CASS4: variants seen among roughly 807,000 people sequenced by gnomAD.
The protein encoded by CASS4 is cas scaffolding protein family member 4.
CASS4 carries 22 observed loss-of-function variants against 54.2 expected under a neutral mutation model. That is an observed-to-expected ratio of 0.41 (90% CI 0.29 to 0.58). The LOEUF is 0.58. Ranked by LOEUF, CASS4 falls within the 20% of genes least tolerant of loss-of-function variation. The pLI is 0.36. For synonymous variants in CASS4, 409 were observed against 391.5 expected, an observed-to-expected ratio of 1.04 and a Z score of -0.53; for missense variants, 854 against 986.7, an observed-to-expected ratio of 0.87 and a Z score of 1.80.
chr20:56,450,516 A>G, intron 3 of CASS4, 83 bp from the exon 4 acceptor site: 1 of 1,272,702 alleles, frequency 7.9e-7, no homozygotes, highest in African/African-American at 1.5e-5. Context: ...TTTGGAAAAA[A>G]ACACTGGAAT....
chr20:56,426,248 T>A (rs1003358656), intron 1 of CASS4, among the ~76,000 whole-genome samples: 1 of 152,234 alleles, frequency 6.6e-6, no homozygotes, highest in South Asian at 2.1e-4. Context: ...ACCCTCTCTG[T>A]GCCTTGGCTT....
At position 56,458,485 on chromosome 20, in the gene CASS4, C is replaced by T; in HGVS notation, c.2099C>T (p.Ala700Val). Reference protein sequence around the residue: ...FHGSLSSSQPAEIITQSKLVI... With the variant: ...FHGSLSSSQPVEIITQSKLVI... ...GGCAGCCTCAGCAGCAGCCAGCCCG[C>T]GGAGATCATCACTCAGAGCAAGCTG... The change falls in exon 6 of 6, where the codon GCG (alanine) becomes GTG (valine). Residue 700 changes from alanine (A) to valine (V), a missense_variant. Ala to Val is a moderately conservative substitution (Grantham distance 64). Transcript: ENST00000679887. The T allele has an allele frequency of 6.2e-7, 1 of 1,614,182 alleles. No homozygotes were observed. The highest frequency in any genetic ancestry group is 1.7e-5 in the Admixed American group (1 of 60,026).
chr20:56,428,195 G>A (rs1011227316), intron 1 of CASS4, among the ~76,000 whole-genome samples: 6 of 152,190 alleles, frequency 3.9e-5, no homozygotes, highest in African/African-American at 1.4e-4. Flanking sequence ...AATTTTAGGA[G>A]CATAAGTGTT....
At chr20:56,431,469 C>T (rs1185153982) in intron 1 of CASS4, among the ~76,000 whole-genome samples, 4 of 152,284 alleles carry the variant, frequency 2.6e-5, no homozygotes, top group Admixed American at 6.5e-5. Context: ...TGAGGGGAAT[C>T]GTGTTATGGC....
chr20:56,432,263 GC>G (rs1229228916), intron 1 of CASS4, among the ~76,000 whole-genome samples: 3 of 149,052 alleles, frequency 2.0e-5, no homozygotes, highest in Non-Finnish European at 4.4e-5. Flanking sequence ...AGATAATAAA[GC>G]TTTCAGATTA....
Position 56,437,693 on chromosome 20 carries a change from G to A in CASS4, c.459+107G>A, listed in dbSNP as rs558831850. 2 of 1,065,416 alleles carry A rather than the reference G, an allele frequency of 1.9e-6. No homozygotes were observed. The highest frequency in any genetic ancestry group is 1.6e-5 in the African/African-American group (1 of 61,978). The allele number at this position is 1,065,416 out of a possible 1,614,324, so 66.0% of individuals were successfully genotyped here. A position where few individuals can be genotyped will look rare whatever the true frequency, so the allele number is the denominator to read the frequency against. ...GTCCTTCAGATCAAACACGCAAAAC[G>A]GGAGCCCAGATTGCTGGCAATCACG... On this transcript the variant is annotated intron_variant, in intron 2 of 5. Transcript: ENST00000679887. This position sits in a 1 kb window ranked among gnomAD's most constrained non-coding sequence, Gnocchi z 4.7.
At chr20:56,415,812 C>T (rs1221157373) in intron 1 of CASS4, among the ~76,000 whole-genome samples, 1 of 152,244 alleles carries the variant, frequency 6.6e-6, no homozygotes, top group East Asian at 1.9e-4. Context: ...TGGCCAGTAG[C>T]TCCGTTGCCA....
Position 56,452,603 on chromosome 20 carries a change from T to C in CASS4, c.1427T>C (p.Ile476Thr), listed in dbSNP as rs146122261. 305 of 1,613,992 alleles carry C rather than the reference T, an allele frequency of 1.9e-4. 1 individual carries two copies. The highest frequency in any genetic ancestry group is 9.5e-4 in the Admixed American group (57 of 59,984). Residue 476 changes from isoleucine (I) to threonine (T), a missense_variant, in exon 5 of 6, where the codon ATT becomes ACT. Physicochemically the swap from Ile to Thr is moderately conservative, Grantham distance 89 (BLOSUM62 -1). Coordinates refer to ENST00000679887, the MANE Select transcript of CASS4 (RefSeq NM_020356.4). ...WRFRDYLEAN[I>T]DAIHRSTDHI... ...TTCCGAGACTATCTGGAGGCCAACATTGATGCAATCCACAGGTCCACTGAT... is the reference window on the plus strand; with the variant it reads ...TTCCGAGACTATCTGGAGGCCAACACTGATGCAATCCACAGGTCCACTGAT...
In CASS4 at chr20:56,437,426, T is replaced by C; in HGVS notation, c.299T>C (p.Val100Ala). 6.2e-7 allele frequency: 1 copy of C among 1,613,964 alleles called. No homozygotes were observed. Among genetic ancestry groups the C allele is most frequent in the Non-Finnish European group, 8.5e-7 (1 of 1,179,922 alleles). The change falls in exon 2 of 6, where the codon GTG becomes GCG. Residue 100 changes from valine to alanine, a missense_variant. Physicochemically the swap from Val to Ala is moderately conservative, Grantham distance 64. Coordinates refer to ENST00000679887, the MANE Select transcript of CASS4 (RefSeq NM_020356.4). This position sits in a 1 kb window ranked among gnomAD's most constrained non-coding sequence, Gnocchi z 4.7. ...GCCAGCTCAGAGGAGACCTATCAGG[T>C]GCCCACTCTACCCCGCCCTCCCACT... ...APASSEETYQ[V>A]PTLPRPPTPG... is the part of the protein sequence containing the mutation.
chr20:56,428,847 G>A (rs781439968), intron 1 of CASS4, among the ~76,000 whole-genome samples: 1 of 152,160 alleles, frequency 6.6e-6, no homozygotes, highest in East Asian at 1.9e-4. Flanking sequence ...CCAGAGGCAG[G>A]TCATTAATCT....
At chr20:56,417,072 A>T (rs995090103) in intron 1 of CASS4, among the ~76,000 whole-genome samples, 1 of 152,216 alleles carries the variant, frequency 6.6e-6, no homozygotes, top group Non-Finnish European at 1.5e-5. Flanking sequence ...GGTTGGTTTA[A>T]ACACGACAAA....
chr20:56,434,603 ATTTT>A (rs201927658), intron 1 of CASS4, among the ~76,000 whole-genome samples: 1 of 141,810 alleles, frequency 7.1e-6, no homozygotes, highest in Non-Finnish European at 1.5e-5. Context: ...CTCCCAGCTA[ATTTT>A]TTTTTTTTTT....
intron 5 of CASS4, among the ~76,000 whole-genome samples, chr20:56,454,192 C>T (rs575198425): frequency 6.6e-6 from 1 of 151,452 alleles, no homozygotes. Flanking sequence ...AGAACAACAA[C>T]AACAAAAAAA....
At chr20:56,425,734 G>A (rs1275594758) in intron 1 of CASS4, among the ~76,000 whole-genome samples, 4 of 152,138 alleles carry the variant, frequency 2.6e-5, no homozygotes, top group African/African-American at 9.7e-5. Context: ...TATTGAAAAA[G>A]AATATTTACA....
chr20:56,425,516 C>G (rs1008289497), intron 1 of CASS4, among the ~76,000 whole-genome samples: 1 of 152,290 alleles, frequency 6.6e-6, no homozygotes, highest in Admixed American at 6.5e-5. Flanking sequence ...TGTTTGGCAT[C>G]CTGGAAGTTC....
At chr20:56,447,250 T>C (rs148110031) in intron 3 of CASS4, among the ~76,000 whole-genome samples, 6 of 151,288 alleles carry the variant, frequency 4.0e-5, no homozygotes, top group African/African-American at 1.5e-4. Flanking sequence ...AAAAAAGAAG[T>C]CACTTTAGCC....
intron 2 of CASS4, among the ~76,000 whole-genome samples, chr20:56,441,463 T>C (rs1204008537): frequency 1.3e-5 from 2 of 151,668 alleles, no homozygotes; most frequent in East Asian, 3.9e-4. Context: ...AAATTAGCCA[T>C]GTGTGGTGGT....
Position 56,430,880 on chromosome 20 carries a change from T to C in CASS4, c.37-6284T>C, listed in dbSNP as rs1979871817. ...ATTTGAGAAAAGTAAGAAAACAATGTGACTGGAGGGAAATGAATGAGGGTA... is the reference window on the plus strand; with the variant it reads ...ATTTGAGAAAAGTAAGAAAACAATGCGACTGGAGGGAAATGAATGAGGGTA... On this transcript the variant is annotated intron_variant, in intron 1 of 5. Coordinates refer to ENST00000679887, the MANE Select transcript of CASS4 (RefSeq NM_020356.4). This position sits in a 1 kb window ranked among gnomAD's most constrained non-coding sequence, Gnocchi z 4.2. Among the ~76,000 whole-genome samples the C allele has an allele frequency of 6.6e-6, 1 of 152,062 alleles. No homozygotes were observed. Among genetic ancestry groups the C allele is most frequent in the African/African-American group, 2.4e-5 (1 of 41,388 alleles).
chr20:56,429,755 G>T (rs1226372632), intron 1 of CASS4, among the ~76,000 whole-genome samples: 1 of 152,070 alleles, frequency 6.6e-6, no homozygotes, highest in Non-Finnish European at 1.5e-5. Context: ...CTTACCCCCA[G>T]ATGGAAGCTT....
Sources: allele counts gnomAD v4.1 joint callset (sites outside exome capture counted in the v4.1 genomes callset), GRCh38; gene constraint gnomAD v4.1.1; non-coding constraint Gnocchi (gnomAD v3.1); transcripts MANE v1.5; gene names NCBI Gene and HGNC (gene_info 2026-07-23, HGNC 2026-07-21).